Variants in MYCBP2 observed in about 807,000 individuals in gnomAD.
MYCBP2 encodes MYC binding protein 2.
In MYCBP2, 120 loss-of-function variants were observed where a neutral mutation model predicts 525.3. The observed-to-expected ratio is 0.23, with a 90% CI of 0.20 to 0.27. The LOEUF (loss-of-function observed/expected upper bound fraction) is 0.27. Ranked by LOEUF, MYCBP2 falls within the 10% of genes least tolerant of loss-of-function variation. The pLI is 1.00. For missense variants in MYCBP2, 4,149 were observed against 5,657.1 expected, an observed-to-expected ratio of 0.73 and a Z score of 8.55; for synonymous variants, 1,894 against 1,955.8, an observed-to-expected ratio of 0.97 and a Z score of 0.83.
chr13:77,320,001 G>T (rs1306556636), intron 1 of MYCBP2, among the ~76,000 whole-genome samples: 1 of 152,200 alleles, frequency 6.6e-6, no homozygotes, highest in Non-Finnish European at 1.5e-5. Context: ...ACGTAAGACT[G>T]AACAGAGGAA....
chr13:77,277,606 A>G (rs537350117), intron 4 of MYCBP2, among the ~76,000 whole-genome samples: 1 of 152,312 alleles, frequency 6.6e-6, no homozygotes, highest in Non-Finnish European at 1.5e-5. Flanking sequence ...GCCAAGTCGG[A>G]AAAAAAGGAC....
intron 55 of MYCBP2, among the ~76,000 whole-genome samples, chr13:77,111,943 A>G (rs2048897485): frequency 6.6e-6 from 1 of 152,184 alleles, no homozygotes; most frequent in Non-Finnish European, 1.5e-5. Context: ...TCTCTAGTCT[A>G]AGACACTGAC....
chr13:77,086,812 T>G (rs1050591862), intron 62 of MYCBP2, among the ~76,000 whole-genome samples: 2 of 152,110 alleles, frequency 1.3e-5, no homozygotes, highest in African/African-American at 4.8e-5. Flanking sequence ...TTTAGCCAAT[T>G]TTTTCACTGA....
At chr13:77,205,192 TAATA>T in intron 26 of MYCBP2, 60 bp downstream of exon 26, 2 of 1,343,370 alleles carry the variant, frequency 1.5e-6, no homozygotes, top group Non-Finnish European at 1.9e-6. Context: ...AATAATAAAA[TAATA>T]AATTAAGTCA....
intron 27 of MYCBP2, among the ~76,000 whole-genome samples, chr13:77,193,037 G>A (rs2061431854): frequency 6.6e-6 from 1 of 152,172 alleles, no homozygotes; most frequent in Admixed American, 6.5e-5. Flanking sequence ...GCTGAGGCAT[G>A]AGAATCGCTT....
intron 55 of MYCBP2, among the ~76,000 whole-genome samples, chr13:77,106,124 G>C (rs1056164158): frequency 2.6e-5 from 4 of 152,122 alleles, no homozygotes; most frequent in Non-Finnish European, 4.4e-5. Context: ...CCACAAACTA[G>C]AAGAATCAAG....
At chr13:77,141,529 G>A (rs1306421437) in intron 49 of MYCBP2, among the ~76,000 whole-genome samples, 10 of 152,160 alleles carry the variant, frequency 6.6e-5, no homozygotes, top group African/African-American at 2.4e-4. Flanking sequence ...CCAGCACTTT[G>A]GGAGGCCGGG....
rs1467745620 is a variant in MYCBP2 at position 77,326,258 on chromosome 13, C to T, written c.302+216G>A. On this transcript the variant is annotated intron_variant, in intron 1 of 82. Coordinates refer to ENST00000544440, the MANE Select transcript of MYCBP2 (RefSeq NM_015057.5). This position sits in a 1 kb window ranked among gnomAD's most constrained non-coding sequence, Gnocchi z 4.2. ...GCAGGCAGACACACACACACACACA[C>T]ACACACACACACACACACACACACA... Among the ~76,000 whole-genome samples the T allele has an allele frequency of 2.8e-5, 4 of 143,062 alleles. No homozygotes were observed. Among genetic ancestry groups the T allele is most frequent in the African/African-American group, 1.2e-4 (4 of 33,420 alleles). 93.9% of individuals were successfully genotyped at this position (143,062 alleles called of 152,430 possible).
At chr13:77,066,142 A>C in intron 71 of MYCBP2, 54 bp from the exon 72 acceptor site, 9 of 1,197,198 alleles carry the variant, frequency 7.5e-6, no homozygotes, top group Non-Finnish European at 1.1e-5. Flanking sequence ...AGTAGTAACA[A>C]ATGAAAAAGA....
At chr13:77,060,122 T>G (rs1378891066) in intron 76 of MYCBP2, among the ~76,000 whole-genome samples, 1 of 152,162 alleles carries the variant, frequency 6.6e-6, no homozygotes, top group Non-Finnish European at 1.5e-5. Context: ...AATTTAAATA[T>G]GTTTGAAATA....
At position 77,181,871 on chromosome 13, in the gene MYCBP2, C is replaced by T. The variant is rs755591809; in HGVS notation, c.4771G>A (p.Val1591Ile). Residue 1591 changes from valine (V) to isoleucine (I), a missense_variant, in exon 33 of 83, where the codon GTT (valine) becomes ATT (isoleucine). Physicochemically the swap from Val to Ile is conservative, Grantham distance 29 (BLOSUM62 3). Transcript: ENST00000544440. The part of the protein sequence containing the change: ...KTSSSRLLAA[V>I]MSALCHTSVK... ...GACGTGTGACACAGAGCTGACATAACAGCTGCAAGGAGTCGGCTACTTGAT... is the reference window on the plus strand; with the variant it reads ...GACGTGTGACACAGAGCTGACATAATAGCTGCAAGGAGTCGGCTACTTGAT... 1.2e-6 allele frequency: 2 copies of T among 1,614,038 alleles called. No individual in the cohort carries two copies. The highest frequency in any genetic ancestry group is 1.7e-6 in the Non-Finnish European group (2 of 1,180,022).
chr13:77,117,151 TTC>T (rs1284077054), intron 55 of MYCBP2, among the ~76,000 whole-genome samples: 1 of 152,054 alleles, frequency 6.6e-6, no homozygotes, highest in South Asian at 2.1e-4. Flanking sequence ...AACTCCTCAC[TTC>T]TGTTTCATTC....
chr13:77,205,205 C>A, intron 26 of MYCBP2, 51 bp downstream of exon 26: 3 of 1,401,030 alleles, frequency 2.1e-6, no homozygotes, highest in East Asian at 2.6e-5. Flanking sequence ...TAAATTAAGT[C>A]AAAATCAGTA....
intron 15 of MYCBP2, among the ~76,000 whole-genome samples, chr13:77,250,322 A>T (rs1192018556): frequency 3.9e-5 from 6 of 152,108 alleles, no homozygotes. Flanking sequence ...TTAGAAATAA[A>T]CTCCTATTAG....
intron 30 of MYCBP2, 56 bp downstream of exon 30, chr13:77,188,895 C>T: frequency 8.3e-7 from 1 of 1,211,320 alleles, no homozygotes; most frequent in East Asian, 2.6e-5. Flanking sequence ...CTCTAAACAT[C>T]AAAATGTATC....
At position 77,150,723 on chromosome 13, in the gene MYCBP2, A is replaced by G; in HGVS notation, c.7131+11T>C. The stretch of plus-strand genomic sequence containing the variant: ...AAAACTAAAATTTTTCTGATAAGTA[A>G]AATAAATTACCTTCATCATTGTTAT... On this transcript the variant is annotated intron_variant, in intron 47 of 82. Coordinates refer to ENST00000544440, the MANE Select transcript of MYCBP2 (RefSeq NM_015057.5). 6.2e-7 allele frequency: 1 copy of G among 1,602,788 alleles called. No individual in the cohort carries two copies. The highest frequency in any genetic ancestry group is 8.5e-7 in the Non-Finnish European group (1 of 1,173,894).
Position 77,121,979 on chromosome 13 carries a change from T to C in MYCBP2, c.8018-484A>G, listed in dbSNP as rs1317973079. On this transcript the variant is annotated intron_variant, in intron 54 of 82. Coordinates refer to ENST00000544440, the MANE Select transcript of MYCBP2 (RefSeq NM_015057.5). The stretch of plus-strand genomic sequence containing the variant: ...TTCTAAGTTATGAATGTGAAAATTA[T>C]GGAAAACTTAACTTTTAACTTATTT... 2.0e-5 allele frequency among the ~76,000 whole-genome samples: 3 copies of C among 152,262 alleles called. No homozygotes were observed. In the East Asian group the frequency reaches 5.8e-4, roughly 29 times the overall value.
intron 3 of MYCBP2, among the ~76,000 whole-genome samples, chr13:77,279,470 G>A (rs1005346447): frequency 6.6e-6 from 1 of 152,078 alleles, no homozygotes; most frequent in African/African-American, 2.4e-5. Context: ...AGAGCAAATT[G>A]CAATGAATGA....
intron 78 of MYCBP2, 76 bp from the exon 79 acceptor site, chr13:77,057,169 T>C (rs2154066430): frequency 9.9e-7 from 1 of 1,012,630 alleles, no homozygotes; most frequent in Non-Finnish European, 1.6e-6. Context: ...GATTATTTAA[T>C]GCAAGGCACT....
Sources: gnomAD v4.1 joint callset for allele counts (sites outside exome capture counted in the v4.1 genomes callset) on GRCh38, gnomAD v4.1.1 for gene constraint, Gnocchi (gnomAD v3.1) non-coding constraint, MANE v1.5 for transcripts, NCBI Gene and HGNC (gene_info 2026-07-23, HGNC 2026-07-21) for gene names.